HDAC9: variants seen among roughly 807,000 people sequenced by gnomAD.
The protein encoded by HDAC9 is histone deacetylase 9.
In HDAC9, 41 loss-of-function variants were observed where a neutral mutation model predicts 139.4. The ratio of observed to expected loss-of-function variants is 0.29; its 90% CI spans 0.23 to 0.38. The LOEUF is 0.38. Ranked by LOEUF, HDAC9 falls within the 10% of genes least tolerant of loss-of-function variation. HDAC9 has a pLI of 1.00. For synonymous variants in HDAC9, 517 were observed against 476.2 expected, an observed-to-expected ratio of 1.09 and a Z score of -1.12; for missense variants, 1,147 against 1,297.0, an observed-to-expected ratio of 0.88 and a Z score of 1.78.
At chr7:18,088,156 A>G (rs958551697) in intron 1 of HDAC9, 3 of 152,226 alleles carry the variant, frequency 2.0e-5, no homozygotes, top group Non-Finnish European at 4.4e-5. Flanking sequence ...TTGAAATCCT[A>G]TAAGAAATGA....
intron 21 of HDAC9, among the ~76,000 whole-genome samples, chr7:18,867,265 C>G (rs1382676409): frequency 6.6e-6 from 1 of 152,156 alleles, no homozygotes; most frequent in Non-Finnish European, 1.5e-5. Context: ...CATGTGTTTT[C>G]TAGCAAAGCA....
At chr7:18,303,367 C>G (rs1798682442) in intron 1 of HDAC9, among the ~76,000 whole-genome samples, 1 of 138,342 alleles carries the variant, frequency 7.2e-6, no homozygotes, top group Non-Finnish European at 1.6e-5. Context: ...CCGCCACGCC[C>G]AGCCAATTTG....
intron 2 of HDAC9, among the ~76,000 whole-genome samples, chr7:18,237,498 G>T (rs1793900919): frequency 6.6e-6 from 1 of 152,128 alleles, no homozygotes; most frequent in Non-Finnish European, 1.5e-5. Context: ...ATTAATTCTG[G>T]CATATGTGGA....
chr7:18,931,457 G>T (rs1804736608), intron 22 of HDAC9, among the ~76,000 whole-genome samples: 1 of 152,010 alleles, frequency 6.6e-6, no homozygotes, highest in African/African-American at 2.4e-5. Flanking sequence ...ATGTATTTTT[G>T]TCAAGAATTT....
intron 1 of HDAC9, among the ~76,000 whole-genome samples, chr7:18,415,660 C>T (rs750234932): frequency 6.6e-6 from 1 of 152,108 alleles, no homozygotes. Context: ...TGTGGTGAAA[C>T]GTGCCTGAAC....
chr7:18,292,459 C>A (rs1182538002), intron 1 of HDAC9, among the ~76,000 whole-genome samples: 9 of 152,102 alleles, frequency 5.9e-5, no homozygotes, highest in African/African-American at 2.2e-4. Flanking sequence ...AATGGAAAAC[C>A]TTTTCTCTAG....
chr7:18,541,928 A>G (rs1381915752), intron 2 of HDAC9, among the ~76,000 whole-genome samples: 1 of 152,170 alleles, frequency 6.6e-6, no homozygotes, highest in African/African-American at 2.4e-5. Context: ...CTTCCTACAG[A>G]TATATCCATT....
chr7:18,946,500 T>G (rs1782413239), intron 23 of HDAC9, among the ~76,000 whole-genome samples: 1 of 151,918 alleles, frequency 6.6e-6, no homozygotes, highest in Non-Finnish European at 1.5e-5. Context: ...TGAAGGAAAA[T>G]TCATGTGACC....
intron 3 of HDAC9, among the ~76,000 whole-genome samples, chr7:18,586,494 TTTA>T (rs1563387873): frequency 6.6e-6 from 1 of 152,104 alleles, no homozygotes; most frequent in Non-Finnish European, 1.5e-5. Context: ...TTATAGGAAC[TTTA>T]TTACTTGCAT....
chr7:18,706,453 C>G (rs1004232461), intron 12 of HDAC9, among the ~76,000 whole-genome samples: 1 of 152,120 alleles, frequency 6.6e-6, no homozygotes, highest in African/African-American at 2.4e-5. Flanking sequence ...CTAATTTTAA[C>G]TTTTTCCTAG....
intron 2 of HDAC9, among the ~76,000 whole-genome samples, chr7:18,200,854 T>A (rs1220263434): frequency 1.3e-5 from 2 of 152,184 alleles, no homozygotes; most frequent in Non-Finnish European, 1.5e-5. Context: ...AGCTTTTTCT[T>A]CTTTCTTAAA....
intron 1 of HDAC9, among the ~76,000 whole-genome samples, chr7:18,104,256 T>G (rs542119469): frequency 2.0e-5 from 3 of 151,596 alleles, no homozygotes; most frequent in African/African-American, 4.8e-5. Context: ...TTTTTTTTTT[T>G]GTTTATAAGA....
intron 1 of HDAC9, among the ~76,000 whole-genome samples, chr7:18,116,239 A>G (rs1783974569): frequency 6.6e-6 from 1 of 152,214 alleles, no homozygotes; most frequent in Non-Finnish European, 1.5e-5. Context: ...AGAATAAGAA[A>G]TAAATTTATA....
chr7:18,629,809 C>T (rs796452301), intron 7 of HDAC9, among the ~76,000 whole-genome samples: 4 of 152,046 alleles, frequency 2.6e-5, no homozygotes, highest in African/African-American at 7.2e-5. Context: ...GAAATTTGAT[C>T]AGAAATGAGC....
chr7:18,697,382 G>A (rs995443928), intron 12 of HDAC9, among the ~76,000 whole-genome samples: 2 of 152,056 alleles, frequency 1.3e-5, no homozygotes, highest in Admixed American at 1.3e-4. Flanking sequence ...TAAAAAACAG[G>A]TGAAACATCA....
At position 18,189,920 on chromosome 7, in the gene HDAC9, G is replaced by GTGTGTGT. The variant is rs1219369517; in HGVS notation, c.25+27571_25+27572insTGTGTGT. ...TTTAACTTGTAAATAACTTGTGTGT[G>GTGTGTGT]GTGTGTGTGTGTGTGTGTGTGTGTG... On this transcript the variant is annotated intron_variant, in intron 2 of 12. Coordinates refer to the HDAC9 transcript ENST00000417496. 2.1e-5 allele frequency among the ~76,000 whole-genome samples: 3 copies of GTGTGTGT among 145,158 alleles called. No homozygotes were observed. In the South Asian group the frequency reaches 6.5e-4, roughly 32 times the overall value.
At chr7:18,317,094 AAAATAAATAAATAAAT>A (rs71014322) in intron 1 of HDAC9, among the ~76,000 whole-genome samples, 1,579 of 127,606 alleles carry the variant, frequency 0.012, 21 homozygotes, top group African/African-American at 0.025. Context: ...ACTCTGTCTC[AAAATAAATAAATAAAT>A]AAATAAATAA....
intron 12 of HDAC9, among the ~76,000 whole-genome samples, chr7:18,699,784 A>G (rs1275168267): frequency 6.6e-6 from 1 of 152,120 alleles, no homozygotes; most frequent in East Asian, 1.9e-4. Context: ...TTTTAATACT[A>G]CTGAGGATTA....
At chr7:18,889,258 G>A (rs1800456837) in intron 22 of HDAC9, among the ~76,000 whole-genome samples, 1 of 152,044 alleles carries the variant, frequency 6.6e-6, no homozygotes, top group African/African-American at 2.4e-5. Flanking sequence ...TATCTTCTCA[G>A]CTCAGATATC....
Sources: gnomAD v4.1 joint callset for allele counts (sites outside exome capture counted in the v4.1 genomes callset) on GRCh38, gnomAD v4.1.1 for gene constraint, MANE v1.5 for transcripts, NCBI Gene and HGNC (gene_info 2026-07-23, HGNC 2026-07-21) for gene names.